Variants in PCDHGA4 observed in about 807,000 individuals in gnomAD.
The protein encoded by PCDHGA4 is protocadherin gamma subfamily A, 4.
In PCDHGA4, 38 loss-of-function variants were observed where a neutral mutation model predicts 54.6. The ratio of observed to expected loss-of-function variants is 0.70; its 90% CI spans 0.54 to 0.91. The LOEUF (loss-of-function observed/expected upper bound fraction) is 0.91, where lower values mean the gene tolerates loss of function less well. Ranked by LOEUF, PCDHGA4 falls within the 40% of genes least tolerant of loss-of-function variation. The probability of loss-of-function intolerance (pLI) is 0.00; values close to 1 mark genes in which losing one functional copy is unlikely to be tolerated. For missense variants in PCDHGA4, 1,298 were observed against 1,220.9 expected (o/e 1.06, Z -0.94); for synonymous variants, 511 against 512.9 (o/e 1.00, Z 0.05).
At chr5:141,393,378 G>C in intron 1 of PCDHGA4, 1 of 1,613,982 alleles carries the variant, frequency 6.2e-7, no homozygotes, top group Non-Finnish European at 8.5e-7. Flanking sequence ...AGACAATGGA[G>C]CCATAAACCC....
At chr5:141,418,646 A>C (rs986717136) in intron 1 of PCDHGA4, 2 of 1,614,010 alleles carry the variant, frequency 1.2e-6, no homozygotes, top group Admixed American at 3.3e-5. Context: ...CTCCATCCTG[A>C]GAGTGAAGGC....
Position 141,450,006 on chromosome 5 carries a change from C to CTATTTTTT in PCDHGA4, c.2515-44800_2515-44799insATTTTTTT, listed in dbSNP as rs70988802. Among the ~76,000 whole-genome samples the CTATTTTTT allele has an allele frequency of 4.4e-4, 58 of 132,942 alleles. 2 individuals carry two copies. The highest frequency in any genetic ancestry group is 8.4e-4 in the African/African-American group (30 of 35,608). The allele number at this position is 132,942 out of a possible 152,430, so 87.2% of individuals were successfully genotyped here. A position where few individuals can be genotyped will look rare whatever the true frequency, so the allele number is the denominator to read the frequency against. ...CACATTGCATTTAGTTGCCATGTCT[C>CTATTTTTT]TTTTTTTTTTTTTTTTTTGAGACAG... On this transcript the variant is annotated intron_variant, in intron 1 of 3. Coordinates refer to ENST00000571252, the MANE Select transcript of PCDHGA4 (RefSeq NM_018917.4).
At chr5:141,462,144 G>A (rs984269848) in intron 1 of PCDHGA4, among the ~76,000 whole-genome samples, 1 of 152,042 alleles carries the variant, frequency 6.6e-6, no homozygotes, top group South Asian at 2.1e-4. Context: ...ATTTTTAGTA[G>A]AGATGGGGTT....
intron 1 of PCDHGA4, chr5:141,428,158 G>C (rs776350833): frequency 3.8e-6 from 6 of 1,577,610 alleles, no homozygotes; most frequent in Non-Finnish European, 5.2e-6. Context: ...GGAACCTGCT[G>C]GTTGCTGTGC....
chr5:141,421,031 T>A, intron 1 of PCDHGA4: 1 of 529,760 alleles, frequency 1.9e-6, no homozygotes, highest in Non-Finnish European at 3.3e-6. Context: ...CGCCATTGAG[T>A]CCCTCCCTCC....
intron 1 of PCDHGA4, chr5:141,366,644 C>G (rs759831298): frequency 3.7e-6 from 6 of 1,614,268 alleles, no homozygotes; most frequent in Non-Finnish European, 5.1e-6. Flanking sequence ...GATCTTTCCC[C>G]AGCCCAACTA....
At chr5:141,408,990 AAGTGAC>A (rs769374488) in intron 1 of PCDHGA4, 2 of 1,613,984 alleles carry the variant, frequency 1.2e-6, no homozygotes, top group Non-Finnish European at 1.7e-6. Flanking sequence ...CCTGTGTTGC[AAGTGAC>A]AGCCACTGAC....
Position 141,491,680 on chromosome 5 carries a change from A to G in PCDHGA4, c.2515-3127A>G. The G allele has an allele frequency of 6.2e-7, 1 of 1,613,304 alleles. No individual in the cohort carries two copies. The highest frequency in any genetic ancestry group is 2.2e-5 in the East Asian group (1 of 44,820). ...TGACGCCATCCGGTCCCGCTCTAATACGCTGCGGGAGCGGAGCCAGGTGAG... is the reference window on the plus strand; with the variant it reads ...TGACGCCATCCGGTCCCGCTCTAATGCGCTGCGGGAGCGGAGCCAGGTGAG... On this transcript the variant is annotated intron_variant, in intron 1 of 3. Transcript: ENST00000571252. The surrounding 1 kb of genome is among the most constrained non-coding windows in gnomAD (Gnocchi z 6.9).
In PCDHGA4 at chr5:141,419,425, C is replaced by T. The variant is rs3749766; in HGVS notation, c.2514+61804C>T. Reference sequence around the variant, plus strand: ...TGTTCGCGCAGCGCGCCTTCGACCACGAGCAGCTGCGCACCTTCGAGCTCA... The same window carrying T: ...TGTTCGCGCAGCGCGCCTTCGACCATGAGCAGCTGCGCACCTTCGAGCTCA... On this transcript the variant is annotated intron_variant, in intron 1 of 3. Transcript: ENST00000571252. 284 of 1,613,316 alleles carry T rather than the reference C, an allele frequency of 1.8e-4. 1 individual carries two copies. The East Asian group carries it at 5.9e-3, about 34-fold the overall frequency.
Position 141,398,041 on chromosome 5 carries a change from G to T in PCDHGA4, c.2514+40420G>T, listed in dbSNP as rs114009258. On this transcript the variant is annotated intron_variant, in intron 1 of 3. Coordinates refer to ENST00000571252, the MANE Select transcript of PCDHGA4 (RefSeq NM_018917.4). ...TAAACTGGAACTGGAACTAAAGCCC[G>T]TTCGGAGATCCAAAAATCTACAATA... 1,416 of 1,492,890 alleles carry T rather than the reference G, an allele frequency of 9.5e-4. 9 individuals are homozygous for T. The African/African-American group carries it at 0.016, about 16-fold the overall frequency. 92.5% of individuals were successfully genotyped at this position (1,492,890 alleles called of 1,614,324 possible).
rs748462670 is a variant in PCDHGA4, at chr5:141,478,010, C to T, written c.2515-16797C>T. Reference sequence around the variant, plus strand: ...GCACACTGGTCAAATCAGTACTGCCCGTCCAGTCCAAGACACAGATTCACC... The same window carrying T: ...GCACACTGGTCAAATCAGTACTGCCTGTCCAGTCCAAGACACAGATTCACC... On this transcript the variant is annotated intron_variant, in intron 1 of 3. Coordinates refer to ENST00000571252, the MANE Select transcript of PCDHGA4 (RefSeq NM_018917.4). 9 of 1,614,008 alleles carry T rather than the reference C, an allele frequency of 5.6e-6. No homozygotes were observed. The highest frequency in any genetic ancestry group is 1.7e-5 in the Admixed American group (1 of 59,998).
At chr5:141,390,634 T>C (rs1003300188) in intron 1 of PCDHGA4, 36 of 236,246 alleles carry the variant, frequency 1.5e-4, no homozygotes, top group African/African-American at 7.4e-4. Context: ...ATATGATGAA[T>C]ACTTTTTTCA....
At position 141,357,583 on chromosome 5, in the gene PCDHGA4, C is replaced by T. The variant is rs756550703; in HGVS notation, c.2476C>T (p.Gln826Ter). ...CEKSEPLLIT[Q>*]DLLETKGDPN... ...GAAAAGCGAGCCTCTTCTGATAACTCAGGATTTACTTGAAACAAAAGGAGA... is the reference window on the plus strand; with the variant it reads ...GAAAAGCGAGCCTCTTCTGATAACTTAGGATTTACTTGAAACAAAAGGAGA... The change falls in exon 1 of 4, where the codon CAG becomes TAG. Residue 826 changes from glutamine to a stop codon, truncating the protein, a stop_gained. Transcript: ENST00000571252. LOFTEE classifies it high-confidence loss of function. 1.9e-6 allele frequency: 3 copies of T among 1,614,188 alleles called. No individual in the cohort carries two copies. The highest frequency in any genetic ancestry group is 1.7e-6 in the Non-Finnish European group (2 of 1,180,024).
Position 141,356,644 on chromosome 5 carries a change from G to A in PCDHGA4, c.1537G>A (p.Gly513Ser). Residue 513 changes from glycine to serine, a missense_variant, in exon 1 of 4, where the codon GGT becomes AGT. Gly to Ser is a moderately conservative substitution (Grantham distance 56). Coordinates refer to ENST00000571252, the MANE Select transcript of PCDHGA4 (RefSeq NM_018917.4). ...LSMTAQDPDS[G>S]DNARITYSLA... is the part of the protein sequence containing the mutation. ...TATGACTGCTCAAGACCCTGACAGTGGTGACAATGCCCGAATCACTTACTC... is the reference window on the plus strand; with the variant it reads ...TATGACTGCTCAAGACCCTGACAGTAGTGACAATGCCCGAATCACTTACTC... The A allele has an allele frequency of 6.2e-6, 10 of 1,614,084 alleles. No individual in the cohort carries two copies. The highest frequency in any genetic ancestry group is 8.5e-6 in the Non-Finnish European group (10 of 1,179,964).
intron 1 of PCDHGA4, among the ~76,000 whole-genome samples, chr5:141,455,408 G>A (rs1024760282): frequency 6.6e-6 from 1 of 152,150 alleles, no homozygotes; most frequent in Non-Finnish European, 1.5e-5. Context: ...TACAGAGACA[G>A]AGGGAGCGGG....
In PCDHGA4 at chr5:141,476,042, T is replaced by C. The variant is rs199923442; in HGVS notation, c.2515-18765T>C. On this transcript the variant is annotated intron_variant, in intron 1 of 3. Coordinates refer to ENST00000571252, the MANE Select transcript of PCDHGA4 (RefSeq NM_018917.4). The surrounding 1 kb of genome is among the most constrained non-coding windows in gnomAD (Gnocchi z 7.6). Reference sequence around the variant, plus strand: ...GACTCGGCGCCCAGCGCCCAAGCGCTAACCCGCTGAAAGTTTCTCAGCGAA... The same window carrying C: ...GACTCGGCGCCCAGCGCCCAAGCGCCAACCCGCTGAAAGTTTCTCAGCGAA... 1.4e-5 allele frequency: 21 copies of C among 1,491,832 alleles called. No individual in the cohort carries two copies. The highest frequency in any genetic ancestry group is 2.7e-6 in the Non-Finnish European group (3 of 1,123,808). 92.4% of individuals were successfully genotyped at this position (1,491,832 alleles called of 1,614,324 possible). A position where few individuals can be genotyped will look rare whatever the true frequency, so the allele number is the denominator to read the frequency against.
At chr5:141,389,267 GA>G (rs2091674195) in intron 1 of PCDHGA4, 1 of 1,613,890 alleles carries the variant, frequency 6.2e-7, no homozygotes, top group African/African-American at 1.3e-5. Context: ...ACGTGGCCGA[GA>G]ACAACCCGCC....
In PCDHGA4 at chr5:141,491,424, G is replaced by A. The variant is rs745755214; in HGVS notation, c.2515-3383G>A. The A allele has an allele frequency of 6.2e-7, 1 of 1,614,092 alleles. No individual in the cohort carries two copies. Among genetic ancestry groups the A allele is most frequent in the Non-Finnish European group, 8.5e-7 (1 of 1,180,028 alleles). ...ACGCAGACGGGGACGGGGGTGGAGG[G>A]CAGTGCTGCAGGCGCCAGGACTCAC... On this transcript the variant is annotated intron_variant, in intron 1 of 3. Coordinates refer to ENST00000571252, the MANE Select transcript of PCDHGA4 (RefSeq NM_018917.4). The surrounding 1 kb of genome is among the most constrained non-coding windows in gnomAD (Gnocchi z 6.9).
chr5:141,412,975 C>G (rs1221821871), intron 1 of PCDHGA4: 3 of 532,642 alleles, frequency 5.6e-6, no homozygotes, highest in Non-Finnish European at 9.7e-6. Flanking sequence ...AGAGAAAACG[C>G]AGCCAGAGCT....
Sources: allele counts gnomAD v4.1 joint callset (sites outside exome capture counted in the v4.1 genomes callset), GRCh38; gene constraint gnomAD v4.1.1; non-coding constraint Gnocchi (gnomAD v3.1); transcripts MANE v1.5; gene names NCBI Gene and HGNC (gene_info 2026-07-23, HGNC 2026-07-21).